The following FMN2 variants were observed in gnomAD, a reference collection of about 807,000 sequenced individuals.
FMN2 encodes formin 2.
FMN2 carries 51 observed loss-of-function variants against 142.3 expected under a neutral mutation model. The ratio of observed to expected loss-of-function variants is 0.36; its 90% CI spans 0.29 to 0.45. The LOEUF is 0.45. FMN2 is among the 20% of genes least tolerant of loss of function. The pLI, the probability that FMN2 is intolerant of heterozygous loss-of-function variation, is 1.00. For missense variants in FMN2, 1,936 were observed against 2,122.8 expected (o/e 0.91, Z 1.73); for synonymous variants, 882 against 869.8 (o/e 1.01, Z -0.25).
intron 16 of FMN2, among the ~76,000 whole-genome samples, chr1:240,445,718 T>TTTC (rs1388118483): frequency 1.8e-4 from 26 of 147,002 alleles, no homozygotes; most frequent in South Asian, 4.3e-4. Context: ...TTTTTTTTTC[T>TTTC]GGAGAGAAAA....
At chr1:240,144,932 TG>T (rs1663374527) in intron 2 of FMN2, 6 of 1,323,492 alleles carry the variant, frequency 4.5e-6, no homozygotes, top group Non-Finnish European at 6.5e-6. Context: ...CAATTCCTTC[TG>T]GGAGCCTACT....
intron 6 of FMN2, among the ~76,000 whole-genome samples, chr1:240,240,668 TTG>T (rs1195561973): frequency 6.6e-6 from 1 of 152,224 alleles, no homozygotes; most frequent in East Asian, 1.9e-4. Context: ...TTAATTTTTA[TTG>T]TAAACTTTGA....
At chr1:240,311,167 A>G (rs1670592658) in intron 8 of FMN2, among the ~76,000 whole-genome samples, 1 of 152,198 alleles carries the variant, frequency 6.6e-6, no homozygotes, top group Non-Finnish European at 1.5e-5. Context: ...CATACTTTAT[A>G]GTTTTAGCAA....
At chr1:240,413,676 C>T (rs1674489483) in intron 15 of FMN2, among the ~76,000 whole-genome samples, 1 of 152,184 alleles carries the variant, frequency 6.6e-6, no homozygotes, top group African/African-American at 2.4e-5. Flanking sequence ...GCCCCAGTAG[C>T]TTACAATGGT....
intron 6 of FMN2, among the ~76,000 whole-genome samples, chr1:240,223,947 G>A (rs7524613): frequency 0.32 from 48,079 of 151,844 alleles, 8,543 homozygotes; most frequent in African/African-American, 0.49. Context: ...TGGATTCGTT[G>A]ATTTTTTTGA....
rs369660580 is a variant in FMN2 at position 240,143,017 on chromosome 1, T to G, written c.1782+19672T>G. 35 of 1,516,750 alleles carry G rather than the reference T, an allele frequency of 2.3e-5. No individual in the cohort carries two copies. The Middle Eastern group carries it at 1.4e-3, about 59-fold the overall frequency. The allele number at this position is 1,516,750 out of a possible 1,614,324, so 94.0% of individuals were successfully genotyped here. On this transcript the variant is annotated intron_variant, in intron 2 of 17. Transcript: ENST00000319653. ...AGAGGCACGGTGAGCAGCCCAGCCA[T>G]GGCCACTGGACTCATAAGCTGCCAG...
chr1:240,166,339 C>G (rs1664481435), intron 2 of FMN2, among the ~76,000 whole-genome samples: 1 of 151,926 alleles, frequency 6.6e-6, no homozygotes, highest in Non-Finnish European at 1.5e-5. Context: ...AAGCGATTCT[C>G]CTGCTTGAAC....
intron 6 of FMN2, among the ~76,000 whole-genome samples, chr1:240,220,007 A>G (rs1667047049): frequency 6.6e-6 from 1 of 152,114 alleles, no homozygotes; most frequent in South Asian, 2.1e-4. Context: ...TTGTTAATTT[A>G]TGAATCTTTA....
chr1:240,317,403 T>C (rs1412358713), intron 8 of FMN2, among the ~76,000 whole-genome samples: 1 of 152,168 alleles, frequency 6.6e-6, no homozygotes, highest in Non-Finnish European at 1.5e-5. Context: ...ACACCATCTC[T>C]TTCTCCATCC....
intron 6 of FMN2, among the ~76,000 whole-genome samples, chr1:240,215,092 C>T (rs1317365757): frequency 1.3e-5 from 2 of 151,990 alleles, no homozygotes; most frequent in East Asian, 1.9e-4. Context: ...CATCCGCACT[C>T]ATTAGCAGGA....
At position 240,260,967 on chromosome 1, in the gene FMN2, A is replaced by G. The variant is rs374911462; in HGVS notation, c.4153+2935A>G. 2.0e-5 allele frequency among the ~76,000 whole-genome samples: 3 copies of G among 152,150 alleles called. No individual in the cohort carries two copies. The East Asian group carries it at 5.8e-4, about 29-fold the overall frequency. The stretch of plus-strand genomic sequence containing the variant: ...TGAGGATCCAGTTTCATTCTCCTAC[A>G]GTGTCTTGCCAATTATCCCAGCAGC... On this transcript the variant is annotated intron_variant, in intron 7 of 17. Transcript: ENST00000319653.
At chr1:240,284,627 A>C (rs1197357789) in intron 7 of FMN2, among the ~76,000 whole-genome samples, 1 of 152,220 alleles carries the variant, frequency 6.6e-6, no homozygotes, top group Non-Finnish European at 1.5e-5. Context: ...TAGCTAGGTA[A>C]GAAGAGGGAA....
chr1:240,214,827 A>T (rs992546990), intron 6 of FMN2, among the ~76,000 whole-genome samples: 1 of 152,152 alleles, frequency 6.6e-6, no homozygotes, highest in African/African-American at 2.4e-5. Context: ...GCACTTTGGG[A>T]GGCCAAGGCA....
At chr1:240,273,204 G>C (rs150113072) in intron 7 of FMN2, among the ~76,000 whole-genome samples, 1 of 152,106 alleles carries the variant, frequency 6.6e-6, no homozygotes, top group South Asian at 2.1e-4. Context: ...GCAAGATTCC[G>C]ATTAATGCTA....
intron 1 of FMN2, among the ~76,000 whole-genome samples, chr1:240,102,324 T>G (rs1661444006): frequency 6.6e-6 from 1 of 152,194 alleles, no homozygotes; most frequent in Admixed American, 6.6e-5. Context: ...CCCAAATAAA[T>G]GCATTTGAAT....
At chr1:240,123,057 CTG>C (rs1662345921) in intron 1 of FMN2, 120 bp from the exon 2 acceptor site, 1 of 1,056,560 alleles carries the variant, frequency 9.5e-7, no homozygotes, top group African/African-American at 1.6e-5. Flanking sequence ...CCTTTCTGCG[CTG>C]TCAGTAGCCT....
At chr1:240,345,360 CAG>C (rs1671872514) in intron 13 of FMN2, among the ~76,000 whole-genome samples, 1 of 152,158 alleles carries the variant, frequency 6.6e-6, no homozygotes, top group Non-Finnish European at 1.5e-5. Flanking sequence ...TGTTAAAAGT[CAG>C]AGAATGTGAA....
intron 6 of FMN2, among the ~76,000 whole-genome samples, chr1:240,222,559 T>C (rs1667160396): frequency 6.6e-6 from 1 of 152,232 alleles, no homozygotes; most frequent in East Asian, 1.9e-4. Flanking sequence ...GGGGGTAGCA[T>C]TGAACCTATA....
chr1:240,322,216 A>G (rs1670996182), intron 8 of FMN2, among the ~76,000 whole-genome samples: 1 of 152,034 alleles, frequency 6.6e-6, no homozygotes, highest in Non-Finnish European at 1.5e-5. Context: ...AAAATCATAA[A>G]TCAAACCATA....
Sources: allele counts gnomAD v4.1 joint callset (sites outside exome capture counted in the v4.1 genomes callset), GRCh38; gene constraint gnomAD v4.1.1; transcripts MANE v1.5; gene names NCBI Gene and HGNC (gene_info 2026-07-23, HGNC 2026-07-21).